Variants in PHACTR1 observed in about 807,000 individuals in gnomAD.
PHACTR1 encodes the protein RPEL repeat containing 1.
PHACTR1 carries 16 observed loss-of-function variants against 69.2 expected under a neutral mutation model. The observed-to-expected ratio is 0.23, with a 90% confidence interval of 0.16 to 0.35. The LOEUF is 0.35. Among genes scored for constraint, PHACTR1 ranks in the 10% least tolerant of loss-of-function variants. The pLI, the probability that PHACTR1 is intolerant of heterozygous loss-of-function variation, is 1.00. For synonymous variants in PHACTR1, 312 were observed against 284.5 expected (o/e 1.10, Z -0.97); for missense variants, 510 against 734.7 (o/e 0.69, Z 3.54).
intron 4 of PHACTR1, among the ~76,000 whole-genome samples, chr6:12,833,448 AG>A (rs1339249274): frequency 1.3e-5 from 2 of 151,814 alleles, no homozygotes; most frequent in Non-Finnish European, 2.9e-5. Flanking sequence ...TAGTTGAGAC[AG>A]GGTTTCACCA....
chr6:13,148,244 C>T lies in PHACTR1; in HGVS notation c.416-11960C>T, dbSNP rs555120889. Among the ~76,000 whole-genome samples the T allele has an allele frequency of 2.1e-5, 3 of 144,830 alleles. No individual in the cohort carries two copies. In the South Asian group the frequency reaches 6.6e-4, roughly 32 times the overall value. Reference sequence around the variant, plus strand: ...TTGAGAGAATTGTATAATGATATAACTATATATGCTATAATTGCATTGCCA... The same window carrying T: ...TTGAGAGAATTGTATAATGATATAATTATATATGCTATAATTGCATTGCCA... On this transcript the variant is annotated intron_variant, in intron 5 of 14. Transcript: ENST00000332995.
At chr6:12,786,034 C>G (rs933672646) in intron 4 of PHACTR1, among the ~76,000 whole-genome samples, 2 of 152,132 alleles carry the variant, frequency 1.3e-5, no homozygotes, top group African/African-American at 4.8e-5. Flanking sequence ...ATAAAAACTT[C>G]TTCCCCATGC....
rs1761897311 is a variant in PHACTR1 at position 13,179,598 on chromosome 6, G to C, written c.497-2921G>C. On this transcript the variant is annotated intron_variant, in intron 6 of 14. Coordinates refer to ENST00000332995, the MANE Select transcript of PHACTR1 (RefSeq NM_030948.6). The surrounding 1 kb of genome is among the most constrained non-coding windows in gnomAD (Gnocchi z 4.2). ...ATAATGAATTTGTACTTATTGAATG[G>C]TTTTCATTTCTTTCTACTAGATATG... Among the ~76,000 whole-genome samples, 1 of 151,942 alleles carries C rather than the reference G, an allele frequency of 6.6e-6. No homozygotes were observed. Among genetic ancestry groups the C allele is most frequent in the South Asian group, 2.1e-4 (1 of 4,828 alleles).
At chr6:13,164,703 G>A (rs1759534357) in intron 6 of PHACTR1, among the ~76,000 whole-genome samples, 1 of 152,172 alleles carries the variant, frequency 6.6e-6, no homozygotes, top group Non-Finnish European at 1.5e-5. Context: ...AAATAAACTA[G>A]TGATTTGAGA....
intron 4 of PHACTR1, among the ~76,000 whole-genome samples, chr6:13,019,927 G>GTGGTA (rs1172450031): frequency 4.6e-5 from 7 of 152,306 alleles, no homozygotes; most frequent in Admixed American, 3.9e-4. Context: ...AGCCTGAAGG[G>GTGGTA]TGGTAGTCCA....
At chr6:13,029,652 A>G (rs1019282828) in intron 4 of PHACTR1, among the ~76,000 whole-genome samples, 2 of 152,242 alleles carry the variant, frequency 1.3e-5, no homozygotes, top group African/African-American at 4.8e-5. Context: ...GACATTACAT[A>G]TTATTGAAGA....
chr6:12,837,715 T>G (rs917141406), intron 4 of PHACTR1, among the ~76,000 whole-genome samples: 2 of 152,234 alleles, frequency 1.3e-5, no homozygotes, highest in Admixed American at 6.5e-5. Flanking sequence ...ACATTCTCTA[T>G]AAAATGTGGA....
chr6:12,848,105 C>T (rs1208719190), intron 4 of PHACTR1, among the ~76,000 whole-genome samples: 1 of 152,034 alleles, frequency 6.6e-6, no homozygotes, highest in Non-Finnish European at 1.5e-5. Context: ...CAAATATTAT[C>T]CTTGATGCCA....
intron 10 of PHACTR1, among the ~76,000 whole-genome samples, chr6:13,239,028 C>G (rs560786101): frequency 4.7e-4 from 71 of 152,288 alleles, no homozygotes; most frequent in African/African-American, 1.6e-3. Flanking sequence ...CCTCCTCATC[C>G]TCATCTTCAT....
intron 4 of PHACTR1, among the ~76,000 whole-genome samples, chr6:12,829,913 G>A (rs571121654): frequency 2.0e-5 from 3 of 149,172 alleles, no homozygotes; most frequent in African/African-American, 5.0e-5. Flanking sequence ...AGCCAAGATT[G>A]TGCCACTGCT....
intron 8 of PHACTR1, among the ~76,000 whole-genome samples, chr6:13,226,958 G>C (rs1002534174): frequency 3.3e-5 from 5 of 151,992 alleles, no homozygotes; most frequent in Non-Finnish European, 5.9e-5. Flanking sequence ...GGATGGTCTC[G>C]ATCTCTTGAC....
At chr6:13,190,198 A>ATTTT (rs1215055032) in intron 7 of PHACTR1, among the ~76,000 whole-genome samples, 1 of 87,266 alleles carries the variant, frequency 1.1e-5, no homozygotes, top group Non-Finnish European at 2.1e-5. Context: ...TAATTTTTGT[A>ATTTT]TTTTTTTTTT....
At chr6:13,013,898 C>T (rs2127651191) in intron 4 of PHACTR1, among the ~76,000 whole-genome samples, 1 of 149,880 alleles carries the variant, frequency 6.7e-6, no homozygotes, top group African/African-American at 2.4e-5. Flanking sequence ...TGGCGGAGCC[C>T]ACGCGCTCAG....
At chr6:12,959,202 A>AAAAAAAAAAAAAAAAG (rs1562056492) in intron 4 of PHACTR1, among the ~76,000 whole-genome samples, 10 of 69,100 alleles carry the variant, frequency 1.4e-4, no homozygotes, top group African/African-American at 7.5e-4. Context: ...AAAAGAAAAG[A>AAAAAAAAAAAAAAAAG]AAAAAAAAAG....
intron 4 of PHACTR1, among the ~76,000 whole-genome samples, chr6:12,992,537 G>T (rs1188483739): frequency 6.6e-6 from 1 of 152,070 alleles, no homozygotes. Flanking sequence ...CTGTGTCTTG[G>T]ACACCATGTT....
At chr6:12,851,243 A>T (rs12197152) in intron 4 of PHACTR1, among the ~76,000 whole-genome samples, 1 of 152,252 alleles carries the variant, frequency 6.6e-6, no homozygotes, top group Non-Finnish European at 1.5e-5. Flanking sequence ...TGCAACAAGT[A>T]TAAAGTGAGG....
At chr6:13,057,867 G>A (rs1429486516) in intron 5 of PHACTR1, among the ~76,000 whole-genome samples, 1 of 152,178 alleles carries the variant, frequency 6.6e-6, no homozygotes, top group Non-Finnish European at 1.5e-5. Flanking sequence ...AAAAGGCCCT[G>A]AGCATTAAGA....
At chr6:13,270,697 T>C (rs1777519079) in intron 10 of PHACTR1, among the ~76,000 whole-genome samples, 1 of 152,258 alleles carries the variant, frequency 6.6e-6, no homozygotes, top group Admixed American at 6.5e-5. Flanking sequence ...TTTCCAACAG[T>C]TTCAGGGTGC....
intron 4 of PHACTR1, among the ~76,000 whole-genome samples, chr6:12,994,466 A>C (rs984870572): frequency 2.0e-5 from 3 of 152,174 alleles, no homozygotes; most frequent in African/African-American, 7.2e-5. Flanking sequence ...AAAAAATTAG[A>C]GATCAGTTCA....
Sources: gnomAD v4.1 joint callset for allele counts (sites outside exome capture counted in the v4.1 genomes callset) on GRCh38, gnomAD v4.1.1 for gene constraint, Gnocchi (gnomAD v3.1) non-coding constraint, MANE v1.5 for transcripts, NCBI Gene and HGNC (gene_info 2026-07-23, HGNC 2026-07-21) for gene names.